The following UGT1A6 variants were observed in gnomAD, a reference collection of about 807,000 sequenced individuals.
UGT1A6 encodes UDP glucuronosyltransferase family 1 member A6.
UGT1A6 carries 32 observed loss-of-function variants against 44.4 expected under a neutral mutation model. The ratio of observed to expected loss-of-function variants is 0.72; its 90% CI spans 0.54 to 0.97. The LOEUF is 0.97. UGT1A6 is among the 50% of genes least tolerant of loss of function. The pLI, the probability that UGT1A6 is intolerant of heterozygous loss-of-function variation, is 0.00. For missense variants in UGT1A6, 685 were observed against 661.9 expected (o/e 1.03, Z -0.38); for synonymous variants, 238 against 248.5 (o/e 0.96, Z 0.40).
intron 1 of UGT1A6, among the ~76,000 whole-genome samples, chr2:233,717,005 G>A (rs2125651164): frequency 6.6e-6 from 1 of 152,262 alleles, no homozygotes; most frequent in South Asian, 2.1e-4. Context: ...GGGCCCCTAT[G>A]TCTCTGAAGG....
At chr2:233,730,558 T>A (rs898063469) in intron 1 of UGT1A6, among the ~76,000 whole-genome samples, 1 of 152,142 alleles carries the variant, frequency 6.6e-6, no homozygotes, top group African/African-American at 2.4e-5. Context: ...GATTAGAGAA[T>A]GACACACGAA....
rs543813427 is a variant in UGT1A6, at chr2:233,762,081, T to A, written c.862-4953T>A. Among the ~76,000 whole-genome samples, 15 of 152,334 alleles carry A rather than the reference T, an allele frequency of 9.8e-5. No homozygotes were observed. In the South Asian group the frequency reaches 3.1e-3, roughly 32 times the overall value. On this transcript the variant is annotated intron_variant, in intron 1 of 4. Transcript: ENST00000305139. ...TAGCACATCAAATATGGCAGCCATT[T>A]CACTTAGATAGTTGTTGATTGTCCG...
intron 1 of UGT1A6, among the ~76,000 whole-genome samples, chr2:233,746,557 T>G (rs1301694420): frequency 6.6e-6 from 1 of 151,810 alleles, no homozygotes; most frequent in Non-Finnish European, 1.5e-5. Flanking sequence ...TCTTAGCCCC[T>G]AGAGCACCAC....
At chr2:233,755,222 G>A in intron 1 of UGT1A6, 1 of 994,216 alleles carries the variant, frequency 1.0e-6, no homozygotes, top group Admixed American at 1.9e-5. Flanking sequence ...TGATACCCTC[G>A]GACGAGGCCT....
At chr2:233,719,999 T>G (rs1373065524) in intron 1 of UGT1A6, among the ~76,000 whole-genome samples, 1 of 152,178 alleles carries the variant, frequency 6.6e-6, no homozygotes, top group East Asian at 1.9e-4. Context: ...GACACTACAT[T>G]CAGAACTGAT....
rs549717724 is a variant in UGT1A6 at position 233,729,172 on chromosome 2, C to T, written c.861+35307C>T. 1.0e-4 allele frequency: 161 copies of T among 1,613,762 alleles called. No homozygotes were observed. In the East Asian group the frequency reaches 3.5e-3, roughly 35 times the overall value. ...TCCCCTGCCGTGGCTGGCCACAGGA[C>T]TGCTGCTTCTCCTCAGTGTCCAGCC... On this transcript the variant is annotated intron_variant, in intron 1 of 4. Coordinates refer to ENST00000305139, the MANE Select transcript of UGT1A6 (RefSeq NM_001072.4).
chr2:233,749,530 G>T (rs1211787123), intron 1 of UGT1A6, among the ~76,000 whole-genome samples: 2 of 151,832 alleles, frequency 1.3e-5, no homozygotes, highest in Non-Finnish European at 2.9e-5. Flanking sequence ...GCTAATTTTC[G>T]AGTGTGGTAA....
At chr2:233,695,898 T>G (rs1241404819) in intron 1 of UGT1A6, among the ~76,000 whole-genome samples, 1 of 152,148 alleles carries the variant, frequency 6.6e-6, no homozygotes, top group East Asian at 1.9e-4. Flanking sequence ...AACAAATGTG[T>G]GGGGTTTTTT....
intron 1 of UGT1A6, among the ~76,000 whole-genome samples, chr2:233,746,122 CTG>C: frequency 6.6e-6 from 1 of 151,872 alleles, no homozygotes; most frequent in Non-Finnish European, 1.5e-5. Flanking sequence ...GTCTGCAAAA[CTG>C]TGGACTGGCA....
chr2:233,729,879 T>C (rs2125748829), intron 1 of UGT1A6: 1 of 1,613,906 alleles, frequency 6.2e-7, no homozygotes, highest in Non-Finnish European at 8.5e-7. Context: ...TTCTCAGTCA[T>C]GCATCTGTGT....
chr2:233,744,850 C>T (rs534580707), intron 1 of UGT1A6, among the ~76,000 whole-genome samples: 1 of 152,016 alleles, frequency 6.6e-6, no homozygotes, highest in African/African-American at 2.4e-5. Context: ...GCAGAGTAGT[C>T]CTTGGTATTC....
chr2:233,765,740 C>T (rs951696953), intron 1 of UGT1A6, among the ~76,000 whole-genome samples: 1 of 147,868 alleles, frequency 6.8e-6, no homozygotes, highest in African/African-American at 2.5e-5. Context: ...TAAATAAACC[C>T]ATAAAGCCAT....
At chr2:233,750,013 A>T (rs1694334722) in intron 1 of UGT1A6, among the ~76,000 whole-genome samples, 1 of 151,828 alleles carries the variant, frequency 6.6e-6, no homozygotes, top group East Asian at 1.9e-4. Context: ...TGCCATGGAG[A>T]GTGGAGTACT....
At chr2:233,717,885 C>T (rs1165690902) in intron 1 of UGT1A6, 3 of 454,846 alleles carry the variant, frequency 6.6e-6, no homozygotes, top group South Asian at 3.1e-5. Flanking sequence ...AAAGCCTGGC[C>T]ATAATCTTCA....
At chr2:233,714,970 A>G (rs1219636943) in intron 1 of UGT1A6, among the ~76,000 whole-genome samples, 1 of 152,130 alleles carries the variant, frequency 6.6e-6, no homozygotes, top group Non-Finnish European at 1.5e-5. Context: ...TCCACCTCCC[A>G]GGTTCAACTG....
At chr2:233,760,224 G>T in intron 1 of UGT1A6, 1 of 1,586,312 alleles carries the variant, frequency 6.3e-7, no homozygotes. Flanking sequence ...TGTATCGATT[G>T]GTTTTTGCCA....
At chr2:233,729,100 A>G (rs2077792052) in intron 1 of UGT1A6, 1 of 1,612,718 alleles carries the variant, frequency 6.2e-7, no homozygotes, top group Non-Finnish European at 8.5e-7. Context: ...TGGGGTGGAC[A>G]GTCAGCTGTC....
upstream of UGT1A6, chr2:233,691,759 G>A: frequency 2.1e-6 from 1 of 478,956 alleles, no homozygotes; most frequent in South Asian, 8.9e-5. Flanking sequence ...TCTGACTCCT[G>A]CTCTAGGATT....
In UGT1A6 at chr2:233,734,493, T is replaced by C. The variant is rs572149400; in HGVS notation, c.862-32541T>C. On this transcript the variant is annotated intron_variant, in intron 1 of 4. Coordinates refer to ENST00000305139, the MANE Select transcript of UGT1A6 (RefSeq NM_001072.4). ...TGGATTCATTGATTTTTTTGAAGGT[T>C]TTTTTGTGTCTCTATCTCTTTCAGT... Among the ~76,000 whole-genome samples the C allele has an allele frequency of 7.2e-5, 11 of 152,330 alleles. 1 individual carries two copies. In the South Asian group the frequency reaches 1.2e-3, roughly 17 times the overall value.
Sources: allele counts gnomAD v4.1 joint callset (sites outside exome capture counted in the v4.1 genomes callset), GRCh38; gene constraint gnomAD v4.1.1; transcripts MANE v1.5; gene names NCBI Gene and HGNC (gene_info 2026-07-23, HGNC 2026-07-21).